Variants in CRHR2 observed in about 807,000 individuals in gnomAD.
CRHR2 encodes corticotropin-releasing hormone receptor 2.
Under a neutral mutation model 57.9 loss-of-function variants are expected in CRHR2, and 53 were observed. That is an observed-to-expected ratio of 0.92 (90% CI 0.73 to 1.15). The LOEUF (loss-of-function observed/expected upper bound fraction) is 1.15. Among genes scored for constraint, CRHR2 ranks in the 50% most tolerant of loss-of-function variants. The pLI, the probability that CRHR2 is intolerant of heterozygous loss-of-function variation, is 0.00. For synonymous variants in CRHR2, 213 were observed against 220.9 expected, an observed-to-expected ratio of 0.96 and a Z score of 0.32; for missense variants, 532 against 542.6, an observed-to-expected ratio of 0.98 and a Z score of 0.19.
At chr7:30,696,561 A>C (rs1247173796) in intron 1 of CRHR2, among the ~76,000 whole-genome samples, 1 of 152,032 alleles carries the variant, frequency 6.6e-6, no homozygotes, top group Non-Finnish European at 1.5e-5. Context: ...CTCTACTAAA[A>C]GTACAAAAAA....
At chr7:30,679,272 G>A (rs1784620045) in intron 2 of CRHR2, among the ~76,000 whole-genome samples, 3 of 152,336 alleles carry the variant, frequency 2.0e-5, no homozygotes, top group South Asian at 2.1e-4. Flanking sequence ...CTCGCAAACC[G>A]AATGCCTCTT....
At chr7:30,675,593 C>T (rs896369546) in intron 2 of CRHR2, among the ~76,000 whole-genome samples, 1 of 152,118 alleles carries the variant, frequency 6.6e-6, no homozygotes, top group Non-Finnish European at 1.5e-5. Context: ...TTCCCTCCCT[C>T]CTCTTCCACT....
rs1461511906 is a variant in CRHR2 at position 30,682,060 on chromosome 7, C to T, written c.104-20G>A. 3.2e-6 allele frequency: 5 copies of T among 1,566,424 alleles called. No homozygotes were observed. In the African/African-American group the frequency reaches 5.4e-5, roughly 17 times the overall value. ...AGGGACCTGGCGGCGGGAGAGAGCG[C>T]AGTAGGGCTCAGAGGGGCCCGCAGG... On this transcript the variant is annotated intron_variant, in intron 1 of 11. Transcript: ENST00000471646.
chr7:30,662,157 G>T lies in CRHR2; in HGVS notation c.757C>A (p.Gln253Lys), dbSNP rs1210658342. 1 of 1,613,842 alleles carries T rather than the reference G, an allele frequency of 6.2e-7. No individual in the cohort carries two copies. Among genetic ancestry groups the T allele is most frequent in the African/African-American group, 1.3e-5 (1 of 74,878 alleles). Residue 253 changes from glutamine to lysine, a missense_variant and splice_region_variant, in exon 7 of 12, where the codon CAG becomes AAG. Physicochemically the swap from Gln to Lys is moderately conservative, Grantham distance 53. Coordinates refer to ENST00000471646, the MANE Select transcript of CRHR2 (RefSeq NM_001883.5). ...CCCATGGCTGGCCCATCCACTTACT[G>T]TTCATTCTCATAGTAGAGCTTGCCG... ...AIGKLYYENE[Q>K]CWFGKEPGDL...
intron 1 of CRHR2, among the ~76,000 whole-genome samples, chr7:30,691,200 C>A (rs889856778): frequency 6.6e-6 from 1 of 152,176 alleles, no homozygotes; most frequent in South Asian, 2.1e-4. Flanking sequence ...TCTGACCCAT[C>A]ACCCTCTTTA....
At chr7:30,696,953 A>T (rs1002957463) in intron 1 of CRHR2, among the ~76,000 whole-genome samples, 1 of 152,206 alleles carries the variant, frequency 6.6e-6, no homozygotes, top group Non-Finnish European at 1.5e-5. Context: ...TAAAAAAAAA[A>T]TACTGAAACA....
At chr7:30,686,148 A>G (rs1784851359), upstream of CRHR2, among the ~76,000 whole-genome samples, 1 of 152,110 alleles carries the variant, frequency 6.6e-6, no homozygotes, top group East Asian at 1.9e-4. Flanking sequence ...CCTTGTTTGT[A>G]TTTCTGCACT....
intron 3 of CRHR2, 44 bp downstream of exon 3, chr7:30,667,170 AACCTGAGTCCAAAT>A: frequency 6.6e-7 from 1 of 1,518,494 alleles, no homozygotes; most frequent in South Asian, 1.1e-5. Flanking sequence ...TTCTCTGCTC[AACCTGAGTCCAAAT>A]ACCTGTGTGA....
At chr7:30,669,259 T>C (rs555671456) in intron 2 of CRHR2, among the ~76,000 whole-genome samples, 1 of 152,260 alleles carries the variant, frequency 6.6e-6, no homozygotes, top group East Asian at 1.9e-4. Context: ...CTTGATTGCT[T>C]CTACTCTATA....
intron 1 of CRHR2, among the ~76,000 whole-genome samples, chr7:30,696,597 G>A (rs541218680): frequency 2.2e-4 from 34 of 152,108 alleles, no homozygotes; most frequent in Non-Finnish European, 2.5e-4. Context: ...GTTGGCAGGC[G>A]CCTATAGTCC....
chr7:30,687,586 T>A (rs75520340), intron 2 of CRHR2, among the ~76,000 whole-genome samples: 3,299 of 152,314 alleles, frequency 0.022, 57 homozygotes, highest in Middle Eastern at 0.061. Flanking sequence ...GAGTTAAATT[T>A]TTTTGTGCCC....
chr7:30,661,630 C>T (rs956254236), intron 7 of CRHR2, among the ~76,000 whole-genome samples: 1 of 152,204 alleles, frequency 6.6e-6, no homozygotes, highest in African/African-American at 2.4e-5. Context: ...TTTCTGGCTG[C>T]TCCTTGGCTG....
intron 1 of CRHR2, among the ~76,000 whole-genome samples, chr7:30,699,490 G>A (rs1785124419): frequency 6.6e-6 from 1 of 151,456 alleles, no homozygotes; most frequent in Non-Finnish European, 1.5e-5. Context: ...GTCAGAACTA[G>A]GGGTGGGCTG....
intron 2 of CRHR2, among the ~76,000 whole-genome samples, chr7:30,680,459 A>G (rs934204822): frequency 6.6e-6 from 1 of 151,948 alleles, no homozygotes; most frequent in Non-Finnish European, 1.5e-5. Context: ...ATGCTCCATC[A>G]CCCCACTTTA....
In CRHR2 at chr7:30,682,357, G is replaced by A. The variant is rs1234630782; in HGVS notation, c.-77C>T. 2 of 1,427,580 alleles carry A rather than the reference G, an allele frequency of 1.4e-6. No individual in the cohort carries two copies. The highest frequency in any genetic ancestry group is 2.9e-5 in the South Asian group (2 of 67,892). The allele number at this position is 1,427,580 out of a possible 1,614,324, so 88.4% of individuals were successfully genotyped here. On this transcript the variant is annotated 5_prime_UTR_variant, in exon 1 of 12. Transcript: ENST00000471646. ...ACTGCGAGGGAGTGGACGCGAGAGTGAGCGGCCGAGAGGGCGCGGGGTCCT... is the reference window on the plus strand; with the variant it reads ...ACTGCGAGGGAGTGGACGCGAGAGTAAGCGGCCGAGAGGGCGCGGGGTCCT...
upstream of CRHR2, chr7:30,686,397 A>C: frequency 6.5e-7 from 1 of 1,532,756 alleles, no homozygotes; most frequent in Non-Finnish European, 8.7e-7. Flanking sequence ...ACCTTGGCAG[A>C]AGAGCTGAGG....
intron 2 of CRHR2, among the ~76,000 whole-genome samples, chr7:30,673,625 G>A (rs1052619006): frequency 8.5e-5 from 13 of 152,290 alleles, no homozygotes; most frequent in African/African-American, 3.1e-4. Context: ...GAGACTTTTG[G>A]GGAAGGTGGA....
chr7:30,697,680 C>T (rs1018420411), intron 1 of CRHR2, among the ~76,000 whole-genome samples: 14 of 152,152 alleles, frequency 9.2e-5, no homozygotes, highest in African/African-American at 3.4e-4. Flanking sequence ...AGAGAGCTCC[C>T]CATGTCCTCA....
At chr7:30,693,325 A>G (rs1414117529) in intron 1 of CRHR2, among the ~76,000 whole-genome samples, 2 of 152,158 alleles carry the variant, frequency 1.3e-5, no homozygotes, top group African/African-American at 4.8e-5. Flanking sequence ...GCACCTTCCT[A>G]CACCTTGGGG....
Sources: allele counts gnomAD v4.1 joint callset (sites outside exome capture counted in the v4.1 genomes callset), GRCh38; gene constraint gnomAD v4.1.1; transcripts MANE v1.5; gene names NCBI Gene and HGNC (gene_info 2026-07-23, HGNC 2026-07-21).